Variants in ROBO2 observed in about 807,000 individuals in gnomAD.
ROBO2 encodes the protein roundabout guidance receptor 2.
A neutral mutation model predicts 160.8 loss-of-function variants in ROBO2; 53 were observed. The ratio of observed to expected loss-of-function variants is 0.33; its 90% CI spans 0.26 to 0.41. The LOEUF (loss-of-function observed/expected upper bound fraction) is 0.41, where lower values mean the gene tolerates loss of function less well. ROBO2 is among the 10% of genes least tolerant of loss of function. ROBO2 has a pLI of 1.00. For missense variants in ROBO2, 1,577 were observed against 1,722.4 expected (o/e 0.92, Z 1.49); for synonymous variants, 664 against 611.7 (o/e 1.09, Z -1.26).
At chr3:77,253,070 A>T (rs2090562049) in intron 2 of ROBO2, among the ~76,000 whole-genome samples, 1 of 151,786 alleles carries the variant, frequency 6.6e-6, no homozygotes, top group African/African-American at 2.4e-5. Context: ...GTTCTAAGTA[A>T]ATTTCTGAGA....
At chr3:77,074,611 A>G (rs1398630004) in intron 1 of ROBO2, among the ~76,000 whole-genome samples, 1 of 152,190 alleles carries the variant, frequency 6.6e-6, no homozygotes, top group Non-Finnish European at 1.5e-5. Flanking sequence ...GGGTGAATTC[A>G]TGACTTTCTA....
intron 1 of ROBO2, among the ~76,000 whole-genome samples, chr3:77,054,071 G>A (rs1318511085): frequency 1.3e-5 from 2 of 152,156 alleles, no homozygotes; most frequent in Non-Finnish European, 2.9e-5. Flanking sequence ...GATTTTGGCA[G>A]AATAGAAACA....
At chr3:76,863,012 TA>T (rs1282420514) in intron 2 of ROBO2, among the ~76,000 whole-genome samples, 3 of 152,132 alleles carry the variant, frequency 2.0e-5, no homozygotes, top group Non-Finnish European at 2.9e-5. Context: ...AACACATACC[TA>T]ATCATTAACT....
At chr3:75,939,496 A>G (rs1947943281) in intron 2 of ROBO2, among the ~76,000 whole-genome samples, 1 of 152,156 alleles carries the variant, frequency 6.6e-6, no homozygotes, top group African/African-American at 2.4e-5. Flanking sequence ...TAAAGCTTCT[A>G]GTGGGAAATG....
chr3:76,049,383 G>GTGTGTATATATATA (rs1440395230), intron 2 of ROBO2, among the ~76,000 whole-genome samples: 13 of 36,764 alleles, frequency 3.5e-4, no homozygotes, highest in African/African-American at 1.5e-3. Flanking sequence ...GCTAATTTTA[G>GTGTGTATATATATA]TATATATATA....
chr3:77,587,068 T>G (rs999692173), intron 16 of ROBO2, among the ~76,000 whole-genome samples: 1 of 152,072 alleles, frequency 6.6e-6, no homozygotes, highest in African/African-American at 2.4e-5. Context: ...ATTTTATTTC[T>G]AATTCACAGC....
intron 2 of ROBO2, among the ~76,000 whole-genome samples, chr3:76,969,116 C>T (rs2059446785): frequency 6.6e-6 from 1 of 152,070 alleles, no homozygotes; most frequent in Non-Finnish European, 1.5e-5. Context: ...CTGCAGCTAT[C>T]AACTGGTTCA....
At chr3:76,789,942 A>G (rs186411411) in intron 2 of ROBO2, among the ~76,000 whole-genome samples, 18 of 151,862 alleles carry the variant, frequency 1.2e-4, no homozygotes, top group African/African-American at 4.1e-4. Flanking sequence ...TATTTAGAAT[A>G]CGATGTTAAT....
chr3:77,212,193 C>T (rs1466421545), intron 2 of ROBO2, among the ~76,000 whole-genome samples: 1 of 152,170 alleles, frequency 6.6e-6, no homozygotes, highest in Non-Finnish European at 1.5e-5. Context: ...GACATTGATT[C>T]TTCCTACCCA....
At chr3:76,214,154 T>C (rs923001637) in intron 2 of ROBO2, among the ~76,000 whole-genome samples, 1 of 152,138 alleles carries the variant, frequency 6.6e-6, no homozygotes, top group Non-Finnish European at 1.5e-5. Context: ...TAAACTATAC[T>C]TGCTCTTCAA....
At chr3:76,671,977 A>G (rs1018054360) in intron 2 of ROBO2, among the ~76,000 whole-genome samples, 4 of 152,112 alleles carry the variant, frequency 2.6e-5, no homozygotes, top group Non-Finnish European at 5.9e-5. Context: ...TGAATAAACT[A>G]TGGTTTCTGC....
chr3:77,342,817 C>T (rs2153452181), intron 2 of ROBO2, among the ~76,000 whole-genome samples: 1 of 152,292 alleles, frequency 6.6e-6, no homozygotes, highest in Non-Finnish European at 1.5e-5. Context: ...ATCCACAAAG[C>T]TTAGCACTGT....
rs563081319 is a variant in ROBO2 at position 77,031,462 on chromosome 3, A to G, written c.110-66552A>G. Among the ~76,000 whole-genome samples, 296 of 147,222 alleles carry G rather than the reference A, an allele frequency of 2.0e-3. 1 individual carries two copies. Among genetic ancestry groups the G allele is most frequent in the African/African-American group, 6.8e-3 (276 of 40,640 alleles). On this transcript the variant is annotated intron_variant, in intron 2 of 26. Transcript: ENST00000487694. ...TTATTACATAATATATAGTATATAA[A>G]TGATATATGACTATTATATATAATA... is the stretch of plus-strand genomic sequence containing the variant.
chr3:76,743,485 T>C (rs1349304595), intron 2 of ROBO2, among the ~76,000 whole-genome samples: 2 of 152,086 alleles, frequency 1.3e-5, no homozygotes, highest in African/African-American at 4.8e-5. Context: ...CTGTTACTCA[T>C]AGATGGGAGA....
At chr3:76,466,316 T>C (rs941172003) in intron 2 of ROBO2, among the ~76,000 whole-genome samples, 1 of 151,958 alleles carries the variant, frequency 6.6e-6, no homozygotes, top group Admixed American at 6.6e-5. Flanking sequence ...TTTTCTTTTA[T>C]ACATTAAATT....
chr3:76,599,072 A>T lies in ROBO2; in HGVS notation c.110-498942A>T, dbSNP rs369771958. On this transcript the variant is annotated intron_variant, in intron 2 of 26. Transcript: ENST00000487694. ...TGTATATACATTAAAACAAAAATTT[A>T]AAAAAAATTTTGTTTTAGGTTCAGG... Among the ~76,000 whole-genome samples the T allele has an allele frequency of 5.4e-4, 82 of 152,100 alleles. 1 individual carries two copies. The highest frequency in any genetic ancestry group is 3.4e-3 in the Middle Eastern group (1 of 294).
At chr3:75,977,168 C>T (rs983490161) in intron 2 of ROBO2, among the ~76,000 whole-genome samples, 1 of 151,458 alleles carries the variant, frequency 6.6e-6, no homozygotes, top group African/African-American at 2.4e-5. Context: ...AAACACTTAA[C>T]GAAGGGAATT....
chr3:77,582,878 C>T (rs907375936), intron 16 of ROBO2, among the ~76,000 whole-genome samples: 5 of 151,976 alleles, frequency 3.3e-5, no homozygotes, highest in Non-Finnish European at 7.4e-5. Flanking sequence ...CAGTGGCTCA[C>T]GTCTGTAATC....
At chr3:76,898,600 T>C (rs2074992630) in intron 2 of ROBO2, among the ~76,000 whole-genome samples, 1 of 152,088 alleles carries the variant, frequency 6.6e-6, no homozygotes, top group Non-Finnish European at 1.5e-5. Context: ...AAATGAACAT[T>C]AACAATTCTC....
Sources: allele counts gnomAD v4.1 joint callset (sites outside exome capture counted in the v4.1 genomes callset), GRCh38; gene constraint gnomAD v4.1.1; transcripts MANE v1.5; gene names NCBI Gene and HGNC (gene_info 2026-07-23, HGNC 2026-07-21).